Variants in EFCAB5 observed in about 807,000 individuals in gnomAD.
EFCAB5 encodes EF-hand calcium-binding domain-containing protein 5.
A neutral mutation model predicts 167.9 loss-of-function variants in EFCAB5; 131 were observed. The observed-to-expected ratio is 0.78, with a 90% CI of 0.68 to 0.90. EFCAB5 has a LOEUF of 0.90. Among genes scored for constraint, EFCAB5 ranks in the 40% least tolerant of loss-of-function variants. The pLI is 0.00. For missense variants in EFCAB5, 1,663 were observed against 1,745.2 expected, an observed-to-expected ratio of 0.95 and a Z score of 0.84; for synonymous variants, 574 against 602.8, an observed-to-expected ratio of 0.95 and a Z score of 0.70.
chr17:29,968,123 G>A (rs978157841), intron 3 of EFCAB5, among the ~76,000 whole-genome samples: 8 of 152,002 alleles, frequency 5.3e-5, no homozygotes, highest in African/African-American at 1.7e-4. Context: ...CAGTCCTCCC[G>A]CCTTGGCCTC....
intron 14 of EFCAB5, among the ~76,000 whole-genome samples, chr17:30,076,634 C>A (rs771720660): frequency 1.3e-5 from 2 of 152,190 alleles, no homozygotes; most frequent in Non-Finnish European, 2.9e-5. Flanking sequence ...CAACGGAAGT[C>A]TTCTTGAGGG....
chr17:30,014,628 C>CT (rs539362887), intron 7 of EFCAB5, among the ~76,000 whole-genome samples: 5 of 151,872 alleles, frequency 3.3e-5, no homozygotes, highest in East Asian at 1.9e-4. Context: ...GCAACCCCTG[C>CT]TTTTTTTTGC....
chr17:29,971,380 A>G (rs1453052598), intron 4 of EFCAB5, among the ~76,000 whole-genome samples: 1 of 151,976 alleles, frequency 6.6e-6, no homozygotes, highest in African/African-American at 2.4e-5. Flanking sequence ...ATATCCTACT[A>G]CCTCCAATAC....
rs964892351 is a variant in EFCAB5, at chr17:30,080,093, A to G, written c.3049A>G (p.Lys1017Glu). Reference protein sequence around the residue: ...LMQDAEAHGNKKISAHISLLE... With the variant: ...LMQDAEAHGNEKISAHISLLE... ...GTAGGATGCTGAAGCCCATGGAAAT[A>G]AAAAGATCAGTGCTCACATTTCCCT... The change falls in exon 16 of 23, where the codon AAA becomes GAA. Residue 1017 changes from lysine (K) to glutamate (E), a missense_variant. Lys to Glu is a moderately conservative substitution (Grantham distance 56). Coordinates refer to ENST00000394835, the MANE Select transcript of EFCAB5 (RefSeq NM_198529.4). 1.2e-6 allele frequency: 2 copies of G among 1,608,550 alleles called. No homozygotes were observed. The highest frequency in any genetic ancestry group is 1.7e-6 in the Non-Finnish European group (2 of 1,178,212).
chr17:30,091,828 A>G, intron 20 of EFCAB5, 43 bp from the exon 21 acceptor site: 1 of 1,599,938 alleles, frequency 6.3e-7, no homozygotes. Context: ...AGCAATGTAC[A>G]TTAGACTGAA....
At chr17:29,945,435 G>C (rs1009731235) in intron 3 of EFCAB5, among the ~76,000 whole-genome samples, 1 of 151,814 alleles carries the variant, frequency 6.6e-6, no homozygotes, top group Non-Finnish European at 1.5e-5. Context: ...ACTTGCACTT[G>C]TTGTGGTGGC....
Position 29,958,565 on chromosome 17 carries a change from T to C in EFCAB5, c.191-10226T>C, listed in dbSNP as rs150741854. On this transcript the variant is annotated intron_variant, in intron 3 of 22. Transcript: ENST00000394835. ...CTTCTCTGTGCTATCTTGAATTTCA[T>C]TGAGCTTCCTCAAAACAGCTATTTT... is the stretch of plus-strand genomic sequence containing the variant. Among the ~76,000 whole-genome samples, 1,093 of 152,328 alleles carry C rather than the reference T, an allele frequency of 7.2e-3. 15 individuals are homozygous for C. The highest frequency in any genetic ancestry group is 0.023 in the African/African-American group (938 of 41,580).
chr17:29,943,457 G>T, intron 2 of EFCAB5, 108 bp from the exon 3 acceptor site: 1 of 894,682 alleles, frequency 1.1e-6, no homozygotes, highest in Non-Finnish European at 1.6e-6. Flanking sequence ...AGGAATGTTT[G>T]GTTAACTCTT....
At chr17:30,000,774 A>G (rs1355259535) in intron 7 of EFCAB5, among the ~76,000 whole-genome samples, 1 of 152,134 alleles carries the variant, frequency 6.6e-6, no homozygotes, top group Admixed American at 6.5e-5. Flanking sequence ...TACCTCAGTT[A>G]TGTTCTAACT....
At chr17:30,040,234 G>A (rs772984637) in intron 8 of EFCAB5, among the ~76,000 whole-genome samples, 5 of 152,144 alleles carry the variant, frequency 3.3e-5, no homozygotes, top group Non-Finnish European at 7.3e-5. Context: ...CTGCAGGTCA[G>A]CCCCCAAGGG....
At position 30,012,671 on chromosome 17, in the gene EFCAB5, C is replaced by T. The variant is rs868649133; in HGVS notation, c.1044+12695C>T. On this transcript the variant is annotated intron_variant, in intron 7 of 22. Transcript: ENST00000394835. ...CCGCGACTTGGTGGTAGTGGTCCCC[C>T]GGGCCCAGTTGTCTTTTCTTTTATC... Among the ~76,000 whole-genome samples the T allele has an allele frequency of 3.9e-5, 6 of 152,118 alleles. No individual in the cohort carries two copies. The South Asian group carries it at 6.2e-4, about 16-fold the overall frequency.
At chr17:29,976,742 T>C (rs539660662) in intron 4 of EFCAB5, among the ~76,000 whole-genome samples, 4 of 152,198 alleles carry the variant, frequency 2.6e-5, no homozygotes, top group Non-Finnish European at 5.9e-5. Context: ...AATGAGACTC[T>C]ATCTTCTTGT....
At chr17:30,042,267 C>G (rs543473654) in intron 8 of EFCAB5, among the ~76,000 whole-genome samples, 71 of 152,262 alleles carry the variant, frequency 4.7e-4, no homozygotes, top group African/African-American at 1.7e-3. Context: ...CCTCAGCCTC[C>G]CAAAGTGCTG....
intron 1 of EFCAB5, among the ~76,000 whole-genome samples, chr17:29,930,822 T>C (rs1344009261): frequency 6.6e-6 from 1 of 152,194 alleles, no homozygotes; most frequent in Non-Finnish European, 1.5e-5. Flanking sequence ...TAAAGACTTA[T>C]TCATTATTCC....
chr17:29,989,387 G>A (rs73987654), intron 4 of EFCAB5, among the ~76,000 whole-genome samples: 1,736 of 152,294 alleles, frequency 0.011, 26 homozygotes, highest in South Asian at 0.037. Context: ...ACCTACATAC[G>A]TCTGGCAAAT....
chr17:29,987,271 G>A (rs748649359), intron 4 of EFCAB5, among the ~76,000 whole-genome samples: 39 of 152,208 alleles, frequency 2.6e-4, no homozygotes, highest in African/African-American at 4.1e-4. Flanking sequence ...CTTCCTCAGC[G>A]TCAGTCTTGA....
chr17:29,970,353 G>T (rs1420489653), intron 4 of EFCAB5, among the ~76,000 whole-genome samples: 1 of 151,892 alleles, frequency 6.6e-6, no homozygotes, highest in Non-Finnish European at 1.5e-5. Flanking sequence ...ATATTCCATA[G>T]ATCTGACAGT....
chr17:30,074,632 C>G (rs1241002129), intron 14 of EFCAB5: 1 of 152,124 alleles, frequency 6.6e-6, no homozygotes, highest in South Asian at 2.1e-4. Context: ...TTAAGTAAAT[C>G]TTCTGGTGAA....
chr17:30,010,155 C>T (rs1473683421), intron 7 of EFCAB5, among the ~76,000 whole-genome samples: 1 of 152,112 alleles, frequency 6.6e-6, no homozygotes, highest in Non-Finnish European at 1.5e-5. Flanking sequence ...TTTATGGCTG[C>T]ATAGTATTCC....
Sources: allele counts gnomAD v4.1 joint callset (sites outside exome capture counted in the v4.1 genomes callset), GRCh38; gene constraint gnomAD v4.1.1; transcripts MANE v1.5; gene names NCBI Gene and HGNC (gene_info 2026-07-23, HGNC 2026-07-21).